Variants in SRC observed in about 807,000 individuals in gnomAD.
SRC encodes proto-oncogene tyrosine-protein kinase Src.
A neutral mutation model predicts 62.9 loss-of-function variants in SRC; 13 were observed. The observed-to-expected ratio is 0.21, with a 90% CI of 0.13 to 0.33. SRC has a LOEUF of 0.33. SRC is among the 10% of genes least tolerant of loss of function. The pLI is 1.00. For synonymous variants in SRC, 302 were observed against 317.5 expected, an observed-to-expected ratio of 0.95 and a Z score of 0.52; for missense variants, 457 against 737.3, an observed-to-expected ratio of 0.62 and a Z score of 4.40.
rs1305388441 is a variant in SRC at position 37,403,293 on chromosome 20, C to T, written c.1525C>T (p.Arg509Trp). The T allele has an allele frequency of 6.2e-7, 1 of 1,602,444 alleles. No homozygotes were observed. The highest frequency in any genetic ancestry group is 8.5e-7 in the Non-Finnish European group (1 of 1,175,204). Residue 509 changes from arginine (R) to tryptophan (W), a missense_variant, in exon 14 of 14, where the codon CGG (arginine) becomes TGG (tryptophan). Coordinates refer to ENST00000373578, the MANE Select transcript of SRC (RefSeq NM_198291.3). The surrounding 1 kb of genome is among the most constrained non-coding windows in gnomAD (Gnocchi z 7.1). Reference protein sequence around the residue: ...CQCWRKEPEERPTFEYLQAFL... With the variant: ...CQCWRKEPEEWPTFEYLQAFL... ...GTGCTGGCGGAAGGAGCCTGAGGAG[C>T]GGCCCACCTTCGAGTACCTGCAGGC...
chr20:37,404,735 G>A lies in SRC; in HGVS notation c.*1356G>A, dbSNP rs544978743. ...CAGGCCCTGTGGCAGGACACACATG[G>A]TGAGCCTAGCCCTGGGACATCAGGA... is the stretch of plus-strand genomic sequence containing the variant. On this transcript the variant is annotated 3_prime_UTR_variant, in exon 14 of 14. Coordinates refer to ENST00000373578, the MANE Select transcript of SRC (RefSeq NM_198291.3). The A allele has an allele frequency of 4.3e-6, 1 of 233,356 alleles. No homozygotes were observed. Among genetic ancestry groups the A allele is most frequent in the South Asian group, 1.8e-4 (1 of 5,530 alleles). The allele number at this position is 233,356 out of a possible 1,614,324, so 14.5% of individuals were successfully genotyped here.
Position 37,384,036 on chromosome 20 carries a change from C to G in SRC, c.-4-114C>G, listed in dbSNP as rs2070405981. 5 of 1,452,168 alleles carry G rather than the reference C, an allele frequency of 3.4e-6. No homozygotes were observed. The African/African-American group carries it at 7.3e-5, about 21-fold the overall frequency. The allele number at this position is 1,452,168 out of a possible 1,614,324, so 90.0% of individuals were successfully genotyped here. A position where few individuals can be genotyped will look rare whatever the true frequency, so the allele number is the denominator to read the frequency against. On this transcript the variant is annotated intron_variant, in intron 3 of 13. Transcript: ENST00000373578. This position sits in a 1 kb window ranked among gnomAD's most constrained non-coding sequence, Gnocchi z 6.7. Reference sequence around the variant, plus strand: ...CAGGCGTGAGCCACCGCGCCCGGCCCTGCTGCCTCTCCTTGGGCCTCGTTT... The same window carrying G: ...CAGGCGTGAGCCACCGCGCCCGGCCGTGCTGCCTCTCCTTGGGCCTCGTTT...
rs754968435 is a variant in SRC, at chr20:37,400,285, A to G, written c.1030A>G (p.Met344Val). ...GCCCATTTACATCGTCACGGAGTAC[A>G]TGAGCAAGGGTGAGTCCTGGGCGGC... ...EEPIYIVTEYMSKGSLLDFLK... is the reference protein window; with the variant it reads ...EEPIYIVTEYVSKGSLLDFLK... Residue 344 changes from methionine to valine, a missense_variant, in exon 10 of 14, where the codon ATG becomes GTG. Physicochemically the swap from Met to Val is conservative, Grantham distance 21. Coordinates refer to ENST00000373578, the MANE Select transcript of SRC (RefSeq NM_198291.3). The G allele has an allele frequency of 6.2e-7, 1 of 1,612,528 alleles. No individual in the cohort carries two copies. The highest frequency in any genetic ancestry group is 8.5e-7 in the Non-Finnish European group (1 of 1,179,048).
rs1256632794 is a variant in SRC, at chr20:37,398,556, C to T, written c.859+702C>T. On this transcript the variant is annotated intron_variant, in intron 9 of 13. Coordinates refer to ENST00000373578, the MANE Select transcript of SRC (RefSeq NM_198291.3). This position sits in a 1 kb window ranked among gnomAD's most constrained non-coding sequence, Gnocchi z 5.2. The stretch of plus-strand genomic sequence containing the variant: ...TCCCACTGCCTCCACGTTCCGCCCT[C>T]CAGAGGGCTGATGGAGGAGAGCAGA... Among the ~76,000 whole-genome samples the T allele has an allele frequency of 6.6e-6, 1 of 152,238 alleles. No homozygotes were observed. The highest frequency in any genetic ancestry group is 1.5e-5 in the Non-Finnish European group (1 of 68,040).
rs190294948 is a variant in SRC, at chr20:37,370,842, T to G, written c.-173+5565T>G. Among the ~76,000 whole-genome samples, 91 of 152,334 alleles carry G rather than the reference T, an allele frequency of 6.0e-4. 1 individual carries two copies. Among genetic ancestry groups the G allele is most frequent in the African/African-American group, 2.1e-3 (87 of 41,580 alleles). ...CCTAGAGAAGAACTGGTATAATTTCTTCTTTAAAAATTTGGTAGAATTCAC... is the reference window on the plus strand; with the variant it reads ...CCTAGAGAAGAACTGGTATAATTTCGTCTTTAAAAATTTGGTAGAATTCAC... On this transcript the variant is annotated intron_variant, in intron 2 of 13. Coordinates refer to ENST00000373578, the MANE Select transcript of SRC (RefSeq NM_198291.3).
intron 3 of SRC, among the ~76,000 whole-genome samples, chr20:37,383,043 C>T (rs1411803034): frequency 1.3e-5 from 2 of 152,242 alleles, no homozygotes; most frequent in African/African-American, 4.8e-5. Flanking sequence ...TGAGCACCTA[C>T]TGTGTGCCAC....
Position 37,386,182 on chromosome 20 carries a change from C to G in SRC, c.350+8C>G, listed in dbSNP as rs773537573. On this transcript the variant is annotated splice_region_variant and intron_variant, in intron 5 of 13. Transcript: ENST00000373578. The stretch of plus-strand genomic sequence containing the variant: ...CCAGATTGTCAACAACACGTGAGTG[C>G]CCCCTTCCCTATTGCCCCTCAGGGC... The G allele has an allele frequency of 1.9e-6, 3 of 1,613,486 alleles. No homozygotes were observed. The highest frequency in any genetic ancestry group is 2.5e-6 in the Non-Finnish European group (3 of 1,179,422).
chr20:37,395,287 G>A (rs1011356711), intron 7 of SRC, among the ~76,000 whole-genome samples: 3 of 152,198 alleles, frequency 2.0e-5, no homozygotes, highest in African/African-American at 7.2e-5. Flanking sequence ...CCTGAAGATC[G>A]CAGAGGGGGA....
Position 37,405,874 on chromosome 20 carries a change from C to CCCTTCCCCTCCTCCCT in SRC, c.*2504_*2519dup, listed in dbSNP as rs1206751880. 1 of 152,234 alleles carries CCCTTCCCCTCCTCCCT rather than the reference C, an allele frequency of 6.6e-6. No individual in the cohort carries two copies. The highest frequency in any genetic ancestry group is 1.9e-4 in the East Asian group (1 of 5,192). The allele number at this position is 152,234 out of a possible 1,614,324, so 9.4% of individuals were successfully genotyped here. On this transcript the variant is annotated 3_prime_UTR_variant, in exon 14 of 14. Transcript: ENST00000373578. ...AAAACGCTGAAGAAAAATCCAAAGA[C>CCCTTCCCCTCCTCCCT]CCTTCCCCTCCTCCCTCCTTCCCCA...
Position 37,402,778 on chromosome 20 carries a change from C to T in SRC, c.1300C>T (p.Pro434Ser). The part of the protein sequence containing the change: ...GAKFPIKWTA[P>S]EAALYGRFTI... ...CAAATTCCCCATCAAGTGGACGGCT[C>T]CAGAAGCTGCCCTCTATGGCCGCTT... is the stretch of plus-strand genomic sequence containing the variant. Residue 434 changes from proline (P) to serine (S), a missense_variant, in exon 13 of 14, where the codon CCA becomes TCA. Pro to Ser is a moderately conservative substitution (Grantham distance 74). Transcript: ENST00000373578. The surrounding 1 kb of genome is among the most constrained non-coding windows in gnomAD (Gnocchi z 6.2). The T allele has an allele frequency of 6.2e-7, 1 of 1,613,550 alleles. No individual in the cohort carries two copies. Among genetic ancestry groups the T allele is most frequent in the Non-Finnish European group, 8.5e-7 (1 of 1,179,748 alleles).
At chr20:37,355,095 A>G (rs2069861698) in intron 1 of SRC, among the ~76,000 whole-genome samples, 1 of 152,076 alleles carries the variant, frequency 6.6e-6, no homozygotes, top group Admixed American at 6.5e-5. Flanking sequence ...AGAGGACCCC[A>G]TAATGTGGGG....
intron 2 of SRC, among the ~76,000 whole-genome samples, chr20:37,373,880 T>A (rs1321924903): frequency 1.3e-5 from 2 of 152,202 alleles, no homozygotes; most frequent in Non-Finnish European, 2.9e-5. Context: ...GCACACAGTT[T>A]TAATTACTGT....
At chr20:37,376,265 C>CT (rs1307477631) in intron 2 of SRC, among the ~76,000 whole-genome samples, 1 of 152,216 alleles carries the variant, frequency 6.6e-6, no homozygotes, top group African/African-American at 2.4e-5. Context: ...GTCAAAGTGA[C>CT]TGCAAAAGAG....
At position 37,394,283 on chromosome 20, in the gene SRC, A is replaced by G; in HGVS notation, c.553+6A>G. 1.2e-6 allele frequency: 2 copies of G among 1,613,306 alleles called. No individual in the cohort carries two copies. Among genetic ancestry groups the G allele is most frequent in the Admixed American group, 1.7e-5 (1 of 60,028 alleles). On this transcript the variant is annotated splice_donor_region_variant and intron_variant, in intron 7 of 13. Coordinates refer to ENST00000373578, the MANE Select transcript of SRC (RefSeq NM_198291.3). ...AGAAAGTGAGACCACGAAAGGTACG[A>G]GCGCTCTTGCTGGCCAACGGATACT...
chr20:37,363,403 G>A (rs997466797), intron 1 of SRC, among the ~76,000 whole-genome samples: 1 of 152,142 alleles, frequency 6.6e-6, no homozygotes, highest in Non-Finnish European at 1.5e-5. Context: ...GTCCGCCTGC[G>A]CCTCTGCACC....
upstream of SRC, among the ~76,000 whole-genome samples, chr20:37,345,905 G>T (rs1000092949): frequency 1.3e-5 from 2 of 152,102 alleles, no homozygotes; most frequent in Admixed American, 1.3e-4. Context: ...TTCTGTGCCC[G>T]GTGTCCCCAC....
intron 4 of SRC, among the ~76,000 whole-genome samples, chr20:37,385,812 G>T (rs551608702): frequency 1.8e-3 from 278 of 152,366 alleles, no homozygotes; most frequent in Middle Eastern, 0.017. Context: ...AGATAAGCCA[G>T]CACCCAGCAC....
At chr20:37,395,493 CA>C (rs2070630304) in intron 7 of SRC, among the ~76,000 whole-genome samples, 1 of 152,246 alleles carries the variant, frequency 6.6e-6, no homozygotes, top group Non-Finnish European at 1.5e-5. Context: ...CTTTTCCGGC[CA>C]AAAGCTTTTC....
intron 1 of SRC, 129 bp downstream of exon 1, chr20:37,346,384 C>G (rs533575767): frequency 4.3e-4 from 65 of 151,336 alleles, no homozygotes; most frequent in African/African-American, 1.1e-3. Context: ...TTCCCACCCC[C>G]CCTCCGGGCC....
Sources: gnomAD v4.1 joint callset for allele counts (sites outside exome capture counted in the v4.1 genomes callset) on GRCh38, gnomAD v4.1.1 for gene constraint, Gnocchi (gnomAD v3.1) non-coding constraint, MANE v1.5 for transcripts, NCBI Gene and HGNC (gene_info 2026-07-23, HGNC 2026-07-21) for gene names.